Variants in MALT1 observed in about 807,000 individuals in gnomAD.
The protein encoded by MALT1 is MALT1 paracaspase.
MALT1 carries 36 observed loss-of-function variants against 85.5 expected under a neutral mutation model. The ratio of observed to expected loss-of-function variants is 0.42; its 90% confidence interval spans 0.32 to 0.56. The LOEUF (loss-of-function observed/expected upper bound fraction) is 0.56, where lower values mean the gene tolerates loss of function less well. Ranked by LOEUF, MALT1 falls within the 20% of genes least tolerant of loss-of-function variation. The pLI is 0.10. For missense variants in MALT1, 716 were observed against 981.6 expected (o/e 0.73, Z 3.62); for synonymous variants, 359 against 361.3 (o/e 0.99, Z 0.07).
intron 5 of MALT1, 55 bp downstream of exon 5, chr18:58,709,611 AC>A: frequency 1.4e-6 from 2 of 1,382,636 alleles, no homozygotes; most frequent in Non-Finnish European, 2.0e-6. Flanking sequence ...AACAAATGGT[AC>A]AATTGAAATA....
intron 13 of MALT1, among the ~76,000 whole-genome samples, chr18:58,740,937 T>C (rs897691020): frequency 6.6e-6 from 1 of 152,146 alleles, no homozygotes; most frequent in Non-Finnish European, 1.5e-5. Flanking sequence ...TTTAAATGTT[T>C]ATATTTTCTT....
At chr18:58,737,318 T>C (rs2055236910) in intron 13 of MALT1, among the ~76,000 whole-genome samples, 1 of 151,984 alleles carries the variant, frequency 6.6e-6, no homozygotes, top group Admixed American at 6.6e-5. Flanking sequence ...CCCATCTCTA[T>C]AAAAATTTAA....
At chr18:58,673,965 T>C (rs896337237) in intron 1 of MALT1, 23 of 152,082 alleles carry the variant, frequency 1.5e-4, no homozygotes, top group Admixed American at 1.2e-3. Flanking sequence ...TACAAAATAT[T>C]GTTATGCTAG....
chr18:58,699,255 G>A (rs1023284421), intron 3 of MALT1, among the ~76,000 whole-genome samples: 1 of 152,238 alleles, frequency 6.6e-6, no homozygotes, highest in Admixed American at 6.5e-5. Flanking sequence ...GGTAATTTCT[G>A]TCTGAAGTCA....
At chr18:58,737,362 G>A (rs951559570) in intron 13 of MALT1, among the ~76,000 whole-genome samples, 1 of 151,892 alleles carries the variant, frequency 6.6e-6, no homozygotes, top group Admixed American at 6.6e-5. Context: ...TGCACCTGCA[G>A]TGCCAGCTAC....
chr18:58,685,623 T>C (rs1038815372), intron 2 of MALT1, among the ~76,000 whole-genome samples: 4 of 152,210 alleles, frequency 2.6e-5, no homozygotes, highest in African/African-American at 9.7e-5. Flanking sequence ...TAATTTTATA[T>C]ATTTTGTGAA....
rs2054160409 is a variant in MALT1, at chr18:58,671,594, G to T, written c.-50G>T. The T allele has an allele frequency of 1.7e-6, 2 of 1,171,140 alleles. No homozygotes were observed. The highest frequency in any genetic ancestry group is 1.6e-5 in the African/African-American group (1 of 62,690). The allele number at this position is 1,171,140 out of a possible 1,614,324, so 72.5% of individuals were successfully genotyped here. A position where few individuals can be genotyped will look rare whatever the true frequency, so the allele number is the denominator to read the frequency against. On this transcript the variant is annotated 5_prime_UTR_variant, in exon 1 of 17. Coordinates refer to ENST00000649217, the MANE Select transcript of MALT1 (RefSeq NM_006785.4). Reference sequence around the variant, plus strand: ...GGAAGGTGCCCCGGGGCCGAGGCCCGTGACGGGGCGGGCGGGAGCCCCGGC... The same window carrying T: ...GGAAGGTGCCCCGGGGCCGAGGCCCTTGACGGGGCGGGCGGGAGCCCCGGC...
chr18:58,730,500 T>A (rs2055132820), intron 10 of MALT1, among the ~76,000 whole-genome samples: 1 of 152,198 alleles, frequency 6.6e-6, no homozygotes, highest in South Asian at 2.1e-4. Flanking sequence ...ATTTTAGGGC[T>A]AGATAATATT....
chr18:58,696,090 T>C (rs2054582821), intron 2 of MALT1, among the ~76,000 whole-genome samples: 1 of 152,104 alleles, frequency 6.6e-6, no homozygotes, highest in Non-Finnish European at 1.5e-5. Context: ...CTTCTAGAAA[T>C]TGAAGAAATA....
intron 10 of MALT1, among the ~76,000 whole-genome samples, chr18:58,732,911 TA>T (rs1293527073): frequency 2.7e-5 from 4 of 145,482 alleles, no homozygotes; most frequent in African/African-American, 8.3e-5. Flanking sequence ...GTAATTTATT[TA>T]TTTATTTATT....
chr18:58,728,057 G>A (rs577969004), intron 10 of MALT1, among the ~76,000 whole-genome samples: 9 of 152,134 alleles, frequency 5.9e-5, no homozygotes, highest in Non-Finnish European at 1.3e-4. Flanking sequence ...TGCATATTCA[G>A]TTGAGTGGAA....
At chr18:58,680,917 G>A (rs919724420) in intron 1 of MALT1, among the ~76,000 whole-genome samples, 9 of 125,380 alleles carry the variant, frequency 7.2e-5, no homozygotes, top group Non-Finnish European at 1.1e-4. Flanking sequence ...GCGACAGAGC[G>A]AGACTCCGTC....
chr18:58,686,603 A>G (rs2054407429), intron 2 of MALT1, among the ~76,000 whole-genome samples: 1 of 152,206 alleles, frequency 6.6e-6, no homozygotes, highest in South Asian at 2.1e-4. Flanking sequence ...CACTGAGGGT[A>G]CCTATGAGAT....
intron 3 of MALT1, among the ~76,000 whole-genome samples, chr18:58,700,003 C>G (rs995878039): frequency 1.3e-5 from 2 of 152,228 alleles, no homozygotes; most frequent in African/African-American, 4.8e-5. Context: ...AATAACTTGC[C>G]CACGTCTTCC....
At chr18:58,726,147 T>C (rs1222110445) in intron 10 of MALT1, among the ~76,000 whole-genome samples, 1 of 152,202 alleles carries the variant, frequency 6.6e-6, no homozygotes, top group South Asian at 2.1e-4. Flanking sequence ...CAGTTTAGGC[T>C]GAAGCTTTGC....
chr18:58,676,304 G>C (rs1227410236), intron 1 of MALT1, among the ~76,000 whole-genome samples: 5 of 152,132 alleles, frequency 3.3e-5, no homozygotes, highest in Admixed American at 3.3e-4. Context: ...GCCAGGGTGG[G>C]AGGATTACTT....
intron 2 of MALT1, among the ~76,000 whole-genome samples, chr18:58,687,509 G>A (rs1388659329): frequency 6.6e-6 from 1 of 152,182 alleles, no homozygotes; most frequent in Non-Finnish European, 1.5e-5. Context: ...GAAGAGGAAT[G>A]ATATTTATTT....
intron 1 of MALT1, among the ~76,000 whole-genome samples, chr18:58,677,982 T>G (rs576535271): frequency 6.6e-6 from 1 of 152,356 alleles, no homozygotes; most frequent in Non-Finnish European, 1.5e-5. Flanking sequence ...AAGTTAGCTT[T>G]AATATTCTTT....
intron 3 of MALT1, 105 bp from the exon 4 acceptor site, chr18:58,700,336 G>A (rs2054653644): frequency 3.7e-6 from 3 of 815,812 alleles, no homozygotes; most frequent in Non-Finnish European, 5.4e-6. Context: ...GGGGAAAAAT[G>A]TTGCACTTTC....
Sources: gnomAD v4.1 joint callset for allele counts (sites outside exome capture counted in the v4.1 genomes callset) on GRCh38, gnomAD v4.1.1 for gene constraint, MANE v1.5 for transcripts, NCBI Gene and HGNC (gene_info 2026-07-23, HGNC 2026-07-21) for gene names.